Variants in TTC23L observed in about 807,000 individuals in gnomAD.
The protein encoded by TTC23L is tetratricopeptide repeat domain 23 like.
In TTC23L, 42 loss-of-function variants were observed where a neutral mutation model predicts 48.1. The ratio of observed to expected loss-of-function variants is 0.87; its 90% CI spans 0.68 to 1.13. The LOEUF is 1.13. Ranked by LOEUF, TTC23L falls within the 50% of genes most tolerant of loss-of-function variation. The pLI is 0.00. For synonymous variants in TTC23L, 159 were observed against 157.2 expected, an observed-to-expected ratio of 1.01 and a Z score of -0.09; for missense variants, 391 against 421.0, an observed-to-expected ratio of 0.93 and a Z score of 0.62.
intron 2 of TTC23L, among the ~76,000 whole-genome samples, chr5:34,844,815 A>T (rs1051513716): frequency 2.0e-5 from 3 of 151,980 alleles, no homozygotes; most frequent in Non-Finnish European, 4.4e-5. Flanking sequence ...ACAACTAGGG[A>T]TATTTCTCCT....
chr5:34,897,719 G>T (rs931305115), intron 10 of TTC23L, among the ~76,000 whole-genome samples: 5 of 152,150 alleles, frequency 3.3e-5, no homozygotes, highest in African/African-American at 1.2e-4. Flanking sequence ...ACCTTGCCCT[G>T]TCTTTAGAAT....
chr5:34,881,603 C>T (rs1762226027), intron 9 of TTC23L, among the ~76,000 whole-genome samples: 2 of 152,010 alleles, frequency 1.3e-5, no homozygotes, highest in South Asian at 4.1e-4. Flanking sequence ...AATTTATTTC[C>T]AGGAATGAAG....
intron 9 of TTC23L, chr5:34,888,356 A>T: frequency 3.2e-6 from 1 of 312,426 alleles, no homozygotes; most frequent in Non-Finnish European, 4.7e-6. Context: ...TAAACTTGTG[A>T]CAAGATCTCA....
chr5:34,845,474 C>G lies in TTC23L; in HGVS notation c.69-13C>G, dbSNP rs556852615. The G allele has an allele frequency of 5.6e-6, 9 of 1,607,782 alleles. No individual in the cohort carries two copies. In the African/African-American group the frequency reaches 6.7e-5, roughly 12 times the overall value. On this transcript the variant is annotated splice_polypyrimidine_tract_variant and intron_variant, in intron 2 of 10. Transcript: ENST00000505624. ...GGTTAAATCCTGAATCCTTGCCTCT[C>G]TCATACCTACAGGTCACAGCAAACC...
chr5:34,842,824 C>T (rs1758798456), intron 2 of TTC23L, among the ~76,000 whole-genome samples: 1 of 152,178 alleles, frequency 6.6e-6, no homozygotes, highest in African/African-American at 2.4e-5. Context: ...TTGGTCACAT[C>T]CCATGGGCCT....
chr5:34,923,859 T>C, the TTC23L span, among the ~76,000 whole-genome samples: 3 of 152,226 alleles, frequency 2.0e-5, no homozygotes, highest in African/African-American at 4.8e-5. Flanking sequence ...CTCTACCTAC[T>C]TCTATTCATG....
downstream of TTC23L, among the ~76,000 whole-genome samples, chr5:34,900,284 AT>A (rs561022596): frequency 0.012 from 1,840 of 152,330 alleles, 15 homozygotes; most frequent in Non-Finnish European, 0.02. Context: ...TGTTATATGT[AT>A]AGTATATAAT....
At chr5:34,902,769 C>G (rs892504997), downstream of TTC23L, among the ~76,000 whole-genome samples, 1 of 152,078 alleles carries the variant, frequency 6.6e-6, no homozygotes, top group Non-Finnish European at 1.5e-5. Flanking sequence ...CTGAAAGCAG[C>G]TATATATTCC....
intron 4 of TTC23L, among the ~76,000 whole-genome samples, chr5:34,860,280 G>T (rs930482837): frequency 3.9e-5 from 6 of 152,150 alleles, no homozygotes; most frequent in East Asian, 3.9e-4. Context: ...TGTCTTCAAG[G>T]CCTCAAGCTA....
chr5:34,914,517 C>T, the TTC23L span: 1 of 649,918 alleles, frequency 1.5e-6, no homozygotes, highest in Non-Finnish European at 2.6e-6. Flanking sequence ...AAAAAAAATT[C>T]AAGTAATGAC....
At chr5:34,901,047 ATG>A (rs905356260), downstream of TTC23L, among the ~76,000 whole-genome samples, 1 of 152,182 alleles carries the variant, frequency 6.6e-6, no homozygotes, top group African/African-American at 2.4e-5. Flanking sequence ...TGTACTGTAT[ATG>A]TGTGTAAATT....
chr5:34,873,164 T>C lies in TTC23L; in HGVS notation c.949+4151T>C, dbSNP rs529344378. On this transcript the variant is annotated intron_variant, in intron 8 of 10. Transcript: ENST00000505624. ...GAAAAACAGTTGCATTTTTAGGACATACAAAATAATACTATTGTTTATAGT... is the reference window on the plus strand; with the variant it reads ...GAAAAACAGTTGCATTTTTAGGACACACAAAATAATACTATTGTTTATAGT... Among the ~76,000 whole-genome samples the C allele has an allele frequency of 9.1e-4, 138 of 152,248 alleles. 1 individual carries two copies. Among genetic ancestry groups the C allele is most frequent in the Non-Finnish European group, 1.5e-3 (102 of 68,022 alleles).
At chr5:34,897,012 G>A (rs1243712232) in intron 10 of TTC23L, 137 bp downstream of exon 10, 373 of 391,468 alleles carry the variant, frequency 9.5e-4, no homozygotes, top group Non-Finnish European at 1.1e-3. Flanking sequence ...ATCATTTAAG[G>A]AAAAAAAAAA....
At chr5:34,845,393 T>C in intron 2 of TTC23L, 94 bp from the exon 3 acceptor site, 3 of 1,280,808 alleles carry the variant, frequency 2.3e-6, no homozygotes, top group Non-Finnish European at 3.2e-6. Context: ...ATCATGTCCC[T>C]ATCCCCTAGT....
intron 4 of TTC23L, among the ~76,000 whole-genome samples, chr5:34,859,840 CTTTTTTTTT>C (rs10590697): frequency 1.0e-5 from 1 of 95,362 alleles, no homozygotes; most frequent in African/African-American, 3.5e-5. Context: ...TTTTCTTCTT[CTTTTTTTTT>C]TTTTTTTTTT....
chr5:34,909,406 A>C, the TTC23L span: 1 of 1,291,314 alleles, frequency 7.7e-7, no homozygotes. Flanking sequence ...AATAAACCAC[A>C]TTAGGATCCA....
At chr5:34,906,439 G>T in the TTC23L span, 2 of 152,096 alleles carry the variant, frequency 1.3e-5, no homozygotes, top group African/African-American at 4.8e-5. Context: ...AGGAGTTCAA[G>T]ATTAGCCTAG....
At chr5:34,839,694 C>A (rs1048037020) in intron 1 of TTC23L, 3 of 983,676 alleles carry the variant, frequency 3.0e-6, no homozygotes, top group Non-Finnish European at 1.2e-6. Flanking sequence ...ATTAGTGATT[C>A]TGGAGGGTGA....
intron 6 of TTC23L, among the ~76,000 whole-genome samples, chr5:34,866,237 A>G (rs994247105): frequency 1.3e-5 from 2 of 152,246 alleles, no homozygotes; most frequent in African/African-American, 4.8e-5. Flanking sequence ...CGTAACTGCT[A>G]TGAACATTTT....
Sources: allele counts gnomAD v4.1 joint callset (sites outside exome capture counted in the v4.1 genomes callset), GRCh38; gene constraint gnomAD v4.1.1; transcripts MANE v1.5; gene names NCBI Gene and HGNC (gene_info 2026-07-23, HGNC 2026-07-21).